Variants in LARGE1 observed in about 807,000 individuals in gnomAD.
LARGE1 encodes LARGE xylosyl- and glucuronyltransferase 1, also known as xylosyl- and glucuronyltransferase LARGE1.
LARGE1 carries 43 observed loss-of-function variants against 87.6 expected under a neutral mutation model. That is an observed-to-expected ratio of 0.49 (90% CI 0.38 to 0.63). The LOEUF is 0.63. LARGE1 is among the 30% of genes least tolerant of loss of function. The pLI is 0.00. For missense variants in LARGE1, 802 were observed against 1,000.2 expected (o/e 0.80, Z 2.67); for synonymous variants, 434 against 394.6 (o/e 1.10, Z -1.18).
chr22:33,513,001 A>C (rs1365940620), intron 6 of LARGE1, among the ~76,000 whole-genome samples: 1 of 152,058 alleles, frequency 6.6e-6, no homozygotes, highest in Non-Finnish European at 1.5e-5. Context: ...ACTCCAACCC[A>C]GGTTTATGCA....
chr22:33,074,570 G>T, the LARGE1 span, among the ~76,000 whole-genome samples: 1 of 152,248 alleles, frequency 6.6e-6, no homozygotes, highest in Admixed American at 6.5e-5. Flanking sequence ...AGCTACTCAG[G>T]AGGCTGAGGC....
At chr22:33,396,627 A>G (rs189288271) in intron 7 of LARGE1, among the ~76,000 whole-genome samples, 4 of 152,276 alleles carry the variant, frequency 2.6e-5, no homozygotes, top group Admixed American at 6.5e-5. Flanking sequence ...TTCATTCAAT[A>G]AATATATATT....
At chr22:33,514,235 G>A (rs886619652) in intron 6 of LARGE1, among the ~76,000 whole-genome samples, 12 of 151,306 alleles carry the variant, frequency 7.9e-5, no homozygotes, top group Non-Finnish European at 1.8e-4. Flanking sequence ...GACTGTGTGT[G>A]TATACATCTC....
intron 5 of LARGE1, among the ~76,000 whole-genome samples, chr22:33,576,830 G>A (rs1312258770): frequency 3.9e-5 from 6 of 152,112 alleles, no homozygotes; most frequent in Admixed American, 3.3e-4. Flanking sequence ...CTAATGCAAT[G>A]TAAATACTAT....
At chr22:33,309,075 A>G (rs1312460827) in intron 11 of LARGE1, among the ~76,000 whole-genome samples, 4 of 152,036 alleles carry the variant, frequency 2.6e-5, no homozygotes, top group Non-Finnish European at 5.9e-5. Context: ...AGGAGCTTTT[A>G]TTCTAGTGGG....
At chr22:33,621,291 C>T (rs894148470) in intron 4 of LARGE1, among the ~76,000 whole-genome samples, 7 of 152,180 alleles carry the variant, frequency 4.6e-5, no homozygotes, top group African/African-American at 1.4e-4. Context: ...AGAGTCCCTA[C>T]GGTGGTCATA....
chr22:33,480,833 T>TA (rs1218640759), intron 6 of LARGE1, among the ~76,000 whole-genome samples: 1 of 152,224 alleles, frequency 6.6e-6, no homozygotes, highest in Non-Finnish European at 1.5e-5. Context: ...AATTACTATA[T>TA]AACCTACTTA....
intron 1 of LARGE1, among the ~76,000 whole-genome samples, chr22:33,893,189 G>A (rs187688062): frequency 6.6e-6 from 1 of 152,246 alleles, no homozygotes; most frequent in East Asian, 1.9e-4. Context: ...CAAAGTAACC[G>A]CTAAAGAAAA....
At chr22:33,482,659 G>T (rs1002184003) in intron 6 of LARGE1, among the ~76,000 whole-genome samples, 5 of 152,070 alleles carry the variant, frequency 3.3e-5, no homozygotes, top group African/African-American at 1.2e-4. Context: ...GGCCACCTAT[G>T]TAACAAACCT....
intron 3 of LARGE1, among the ~76,000 whole-genome samples, chr22:33,641,473 TC>T (rs1395936669): frequency 2.0e-5 from 3 of 151,914 alleles, no homozygotes; most frequent in African/African-American, 4.8e-5. Flanking sequence ...ATGCCTCTTC[TC>T]CCCCAAATGA....
At chr22:33,748,024 CAAAA>C (rs535230421) in intron 2 of LARGE1, among the ~76,000 whole-genome samples, 3 of 21,726 alleles carry the variant, frequency 1.4e-4, no homozygotes, top group Admixed American at 5.2e-4. Flanking sequence ...TCTGCTGGAG[CAAAA>C]AAAAAAAAAA....
chr22:33,079,138 G>A, the LARGE1 span, among the ~76,000 whole-genome samples: 1 of 151,814 alleles, frequency 6.6e-6, no homozygotes, highest in Non-Finnish European at 1.5e-5. Context: ...GTAGTGTAGG[G>A]TGATGATTAA....
chr22:33,593,480 C>T (rs549153507), intron 5 of LARGE1, among the ~76,000 whole-genome samples: 1 of 152,246 alleles, frequency 6.6e-6, no homozygotes, highest in East Asian at 1.9e-4. Context: ...TATTTGGACA[C>T]CTACTCTCAC....
intron 2 of LARGE1, among the ~76,000 whole-genome samples, chr22:33,684,920 G>A (rs1312259291): frequency 6.6e-6 from 1 of 152,194 alleles, no homozygotes; most frequent in African/African-American, 2.4e-5. Context: ...GGTGATGAAT[G>A]ATGTCTGCTG....
intron 3 of LARGE1, among the ~76,000 whole-genome samples, chr22:33,635,060 G>A (rs997861051): frequency 5.9e-5 from 9 of 151,840 alleles, no homozygotes. Flanking sequence ...GGGGGCTGCA[G>A]TGAGCCGAGA....
At chr22:33,696,483 G>A (rs1163520735) in intron 2 of LARGE1, among the ~76,000 whole-genome samples, 1 of 151,826 alleles carries the variant, frequency 6.6e-6, no homozygotes, top group Non-Finnish European at 1.5e-5. Context: ...GGCTGGTCTC[G>A]AGCTCCTGAC....
chr22:33,767,825 T>C (rs898027395), intron 1 of LARGE1, among the ~76,000 whole-genome samples: 22 of 152,208 alleles, frequency 1.4e-4, no homozygotes, highest in African/African-American at 4.8e-4. Context: ...CCCTTCAGAA[T>C]TGCTTAGGAT....
intron 1 of LARGE1, among the ~76,000 whole-genome samples, chr22:33,768,750 A>G (rs554235464): frequency 6.6e-6 from 1 of 152,320 alleles, no homozygotes; most frequent in Admixed American, 6.5e-5. Context: ...TCTCCCTGAG[A>G]CCAGCATCTA....
chr22:33,175,128 T>C (rs562071550), intron 11 of LARGE1, among the ~76,000 whole-genome samples: 5 of 152,212 alleles, frequency 3.3e-5, no homozygotes, highest in Admixed American at 6.5e-5. Flanking sequence ...AAAAAGCTAA[T>C]CCACCATGAT....
Sources: allele counts gnomAD v4.1 joint callset (sites outside exome capture counted in the v4.1 genomes callset), GRCh38; gene constraint gnomAD v4.1.1; transcripts MANE v1.5; gene names NCBI Gene and HGNC (gene_info 2026-07-23, HGNC 2026-07-21).